ISLR: variants seen among roughly 807,000 people sequenced by gnomAD.
ISLR encodes immunoglobulin superfamily containing leucine rich repeat, also known as immunoglobulin superfamily containing leucine-rich repeat protein.
Under a neutral mutation model 11.0 loss-of-function variants are expected in ISLR, and 9 were observed. The observed-to-expected ratio is 0.82, with a 90% confidence interval of 0.49 to 1.43. The LOEUF (loss-of-function observed/expected upper bound fraction) is 1.43, where lower values mean the gene tolerates loss of function less well. Among genes scored for constraint, ISLR ranks in the 40% most tolerant of loss-of-function variants. The pLI is 0.00. For synonymous variants in ISLR, 262 were observed against 264.1 expected (o/e 0.99, Z 0.08); for missense variants, 510 against 576.4 (o/e 0.88, Z 1.18).
Position 74,176,361 on chromosome 15 carries a change from T to C in ISLR, c.*216T>C, listed in dbSNP as rs1425099779. ...TAGAATTTGATCCCCTAACTCACTG[T>C]CTGCGGTGCTCATTGCTGCTAACAG... On this transcript the variant is annotated 3_prime_UTR_variant, in exon 2 of 2. Transcript: ENST00000249842. 4.0e-6 allele frequency: 2 copies of C among 494,910 alleles called. No individual in the cohort carries two copies. Among genetic ancestry groups the C allele is most frequent in the Non-Finnish European group, 7.3e-6 (2 of 275,524 alleles). 30.7% of individuals were successfully genotyped at this position (494,910 alleles called of 1,614,324 possible).
chr15:74,175,335 C>T lies in ISLR; in HGVS notation c.477C>T (p.His159=), dbSNP rs1305936894. The T allele has an allele frequency of 6.2e-7, 1 of 1,611,116 alleles. No individual in the cohort carries two copies. Among genetic ancestry groups the T allele is most frequent in the African/African-American group, 1.3e-5 (1 of 75,058 alleles). The part of the protein sequence containing the change: ...RSLQLNHNRL[H]TLAEGTFTPL... ...TGCAACTCAACCACAACCGCTTGCACACATTGGCCGAGGGCACCTTCACCC... is the reference window on the plus strand; with the variant it reads ...TGCAACTCAACCACAACCGCTTGCATACATTGGCCGAGGGCACCTTCACCC... Residue 159 remains histidine (H), a synonymous_variant, in exon 2 of 2, where the codon CAC becomes CAT. Coordinates refer to ENST00000249842, the MANE Select transcript of ISLR (RefSeq NM_005545.4). This position sits in a 1 kb window ranked among gnomAD's most constrained non-coding sequence, Gnocchi z 4.7.
rs1187939350 is a variant in ISLR, at chr15:74,175,089, G to T, written c.231G>T (p.Gln77His). 1.9e-6 allele frequency: 3 copies of T among 1,611,872 alleles called. No individual in the cohort carries two copies. The highest frequency in any genetic ancestry group is 3.3e-5 in the Admixed American group (2 of 60,000). The change falls in exon 2 of 2, where the codon CAG (glutamine) becomes CAT (histidine). Residue 77 changes from glutamine (Q) to histidine (H), a missense_variant. Coordinates refer to ENST00000249842, the MANE Select transcript of ISLR (RefSeq NM_005545.4). This position sits in a 1 kb window ranked among gnomAD's most constrained non-coding sequence, Gnocchi z 4.7. ...EGAFREVPLL[Q>H]SLWLAHNEIR... ...CCTTCAGGGAGGTGCCCCTGCTGCA[G>T]TCGCTGTGGCTGGCACACAATGAGA...
chr15:74,175,382 T>G lies in ISLR; in HGVS notation c.524T>G (p.Leu175Arg). ...ACCCCGCTCACCGCGCTGTCCCACCTGCAGATCAACGAGAACCCCTTCGAC... is the reference window on the plus strand; with the variant it reads ...ACCCCGCTCACCGCGCTGTCCCACCGGCAGATCAACGAGAACCCCTTCGAC... ...TFTPLTALSH[L>R]QINENPFDCT... Residue 175 changes from leucine (L) to arginine (R), a missense_variant, in exon 2 of 2, where the codon CTG becomes CGG. By Grantham distance (102) the Leu-to-Arg change is moderately radical (BLOSUM62 -2). Coordinates refer to ENST00000249842, the MANE Select transcript of ISLR (RefSeq NM_005545.4). The surrounding 1 kb of genome is among the most constrained non-coding windows in gnomAD (Gnocchi z 4.7). 2 of 1,611,772 alleles carry G rather than the reference T, an allele frequency of 1.2e-6. No individual in the cohort carries two copies. The highest frequency in any genetic ancestry group is 3.3e-5 in the Admixed American group (2 of 60,008).
chr15:74,176,122 T>C lies in ISLR; in HGVS notation c.1264T>C (p.Phe422Leu), dbSNP rs762159204. 2 of 1,559,270 alleles carry C rather than the reference T, an allele frequency of 1.3e-6. No individual in the cohort carries two copies. Among genetic ancestry groups the C allele is most frequent in the South Asian group, 2.4e-5 (2 of 82,102 alleles). ...LLLLGQSLLLFFFLTSF is the reference protein window; with the variant it reads ...LLLLGQSLLLLFFLTSF ...CCTGCTGGGCCAAAGCCTCCTCCTC[T>C]TCTTCTTCCTCACCTCCTTCTAGCC... The change falls in exon 2 of 2, where the codon TTC becomes CTC. Residue 422 changes from phenylalanine (F) to leucine (L), a missense_variant. Physicochemically the swap from Phe to Leu is conservative, Grantham distance 22. Transcript: ENST00000249842.
chr15:74,176,030 G>A lies in ISLR; in HGVS notation c.1172G>A (p.Ser391Asn). ...PEDNVVIIYL[S>N]RAGNPEAAVA... Reference sequence around the variant, plus strand: ...GACAATGTGGTCATCATCTACCTCAGCCGTGCTGGGAACCCTGAGGCTGCA... The same window carrying A: ...GACAATGTGGTCATCATCTACCTCAACCGTGCTGGGAACCCTGAGGCTGCA... The change falls in exon 2 of 2, where the codon AGC (serine) becomes AAC (asparagine). Residue 391 changes from serine (S) to asparagine (N), a missense_variant. Ser to Asn is a conservative substitution (Grantham distance 46). Transcript: ENST00000249842. 1 of 1,613,276 alleles carries A rather than the reference G, an allele frequency of 6.2e-7. No homozygotes were observed. The highest frequency in any genetic ancestry group is 8.5e-7 in the Non-Finnish European group (1 of 1,179,524).
In ISLR at chr15:74,175,375, T is replaced by C; in HGVS notation, c.517T>C (p.Ser173Pro). The C allele has an allele frequency of 6.2e-7, 1 of 1,611,558 alleles. No homozygotes were observed. Among genetic ancestry groups the C allele is most frequent in the Non-Finnish European group, 8.5e-7 (1 of 1,179,866 alleles). The part of the protein sequence containing the change: ...EGTFTPLTAL[S>P]HLQINENPFD... Reference sequence around the variant, plus strand: ...CACCTTCACCCCGCTCACCGCGCTGTCCCACCTGCAGATCAACGAGAACCC... The same window carrying C: ...CACCTTCACCCCGCTCACCGCGCTGCCCCACCTGCAGATCAACGAGAACCC... The change falls in exon 2 of 2, where the codon TCC becomes CCC. Residue 173 changes from serine (S) to proline (P), a missense_variant. Physicochemically the swap from Ser to Pro is moderately conservative, Grantham distance 74. Transcript: ENST00000249842. The surrounding 1 kb of genome is among the most constrained non-coding windows in gnomAD (Gnocchi z 4.7).
chr15:74,174,033 G>A lies in ISLR; in HGVS notation c.-9+14G>A, dbSNP rs1255503036. The A allele has an allele frequency of 6.5e-6, 1 of 152,952 alleles. No homozygotes were observed. The highest frequency in any genetic ancestry group is 1.5e-5 in the Non-Finnish European group (1 of 68,588). 9.5% of individuals were successfully genotyped at this position (152,952 alleles called of 1,614,324 possible). On this transcript the variant is annotated intron_variant, in intron 1 of 1. Transcript: ENST00000249842. ...AGTAGCTTGAAGGTAAGCCAGTGGG[G>A]AGGAGGGCTCCAGGGCCAGCGGCGG...
At position 74,175,972 on chromosome 15, in the gene ISLR, G is replaced by A; in HGVS notation, c.1114G>A (p.Val372Ile). The change falls in exon 2 of 2, where the codon GTT becomes ATT. Residue 372 changes from valine to isoleucine, a missense_variant. Coordinates refer to ENST00000249842, the MANE Select transcript of ISLR (RefSeq NM_005545.4). The surrounding 1 kb of genome is among the most constrained non-coding windows in gnomAD (Gnocchi z 4.7). ...GGTTGAGGGAAAGGGCTGCTATACG[G>A]TTGACAACGAGGTGCAGCCATCAGG... ...KAVEGKGCYT[V>I]DNEVQPSGPE... 3 of 1,611,902 alleles carry A rather than the reference G, an allele frequency of 1.9e-6. No individual in the cohort carries two copies. The highest frequency in any genetic ancestry group is 2.5e-6 in the Non-Finnish European group (3 of 1,178,502).
Position 74,175,886 on chromosome 15 carries a change from C to A in ISLR, c.1028C>A (p.Ala343Glu), listed in dbSNP as rs1189743401. The A allele has an allele frequency of 4.3e-6, 7 of 1,613,872 alleles. No individual in the cohort carries two copies. The highest frequency in any genetic ancestry group is 5.9e-6 in the Non-Finnish European group (7 of 1,179,858). ...AGTGCTGAGAGCTCAGTGGACGTGG[C>A]ACTGGCCACGCCCGGTGAGGGTGGT... is the stretch of plus-strand genomic sequence containing the variant. ...LGSAESSVDV[A>E]LATPGEGGED... The change falls in exon 2 of 2, where the codon GCA (alanine) becomes GAA (glutamate). Residue 343 changes from alanine (A) to glutamate (E), a missense_variant. By Grantham distance (107) the Ala-to-Glu change is moderately radical. Transcript: ENST00000249842. The surrounding 1 kb of genome is among the most constrained non-coding windows in gnomAD (Gnocchi z 4.7).
chr15:74,176,156 G>A lies in ISLR; in HGVS notation c.*11G>A. 2.0e-6 allele frequency: 3 copies of A among 1,532,996 alleles called. No homozygotes were observed. The highest frequency in any genetic ancestry group is 2.6e-5 in the South Asian group (2 of 78,068). The allele number at this position is 1,532,996 out of a possible 1,614,324, so 95.0% of individuals were successfully genotyped here. On this transcript the variant is annotated 3_prime_UTR_variant, in exon 2 of 2. Transcript: ENST00000249842. Reference sequence around the variant, plus strand: ...CTCACCTCCTTCTAGCCCCACCCAGGGCTTCCCTAACTCCTCCCCTTGCCC... The same window carrying A: ...CTCACCTCCTTCTAGCCCCACCCAGAGCTTCCCTAACTCCTCCCCTTGCCC...
In ISLR at chr15:74,175,805, A is replaced by G; in HGVS notation, c.947A>G (p.Asp316Gly). 1.2e-6 allele frequency: 2 copies of G among 1,614,024 alleles called. No individual in the cohort carries two copies. The highest frequency in any genetic ancestry group is 2.2e-5 in the East Asian group (1 of 44,870). ...AFANGSLLIP[D>G]FGKLEEGTYS... Reference sequence around the variant, plus strand: ...GCCAATGGCAGCCTGCTTATCCCCGACTTTGGCAAGCTGGAGGAAGGCACC... The same window carrying G: ...GCCAATGGCAGCCTGCTTATCCCCGGCTTTGGCAAGCTGGAGGAAGGCACC... Residue 316 changes from aspartate to glycine, a missense_variant, in exon 2 of 2, where the codon GAC becomes GGC. Transcript: ENST00000249842. This position sits in a 1 kb window ranked among gnomAD's most constrained non-coding sequence, Gnocchi z 4.7.
At position 74,175,423 on chromosome 15, in the gene ISLR, G is replaced by A. The variant is rs370000092; in HGVS notation, c.565G>A (p.Val189Met). ...CCCCTTCGACTGCACCTGCGGCATCGTGTGGCTCAAGACATGGGCCCTGAC... is the reference window on the plus strand; with the variant it reads ...CCCCTTCGACTGCACCTGCGGCATCATGTGGCTCAAGACATGGGCCCTGAC... The part of the protein sequence containing the change: ...ENPFDCTCGI[V>M]WLKTWALTTA... The change falls in exon 2 of 2, where the codon GTG becomes ATG. Residue 189 changes from valine to methionine, a missense_variant. Val to Met is a conservative substitution (Grantham distance 21). Coordinates refer to ENST00000249842, the MANE Select transcript of ISLR (RefSeq NM_005545.4). This position sits in a 1 kb window ranked among gnomAD's most constrained non-coding sequence, Gnocchi z 4.7. 1.6e-4 allele frequency: 254 copies of A among 1,611,870 alleles called. No homozygotes were observed. The highest frequency in any genetic ancestry group is 2.1e-4 in the Non-Finnish European group (246 of 1,179,980).
Position 74,175,667 on chromosome 15 carries a change from A to C in ISLR, c.809A>C (p.His270Pro). 6.2e-7 allele frequency: 1 copy of C among 1,614,134 alleles called. No homozygotes were observed. Among genetic ancestry groups the C allele is most frequent in the Non-Finnish European group, 8.5e-7 (1 of 1,180,022 alleles). The stretch of plus-strand genomic sequence containing the variant: ...CAGCCGGCCCCTCAGCTTCACTGGC[A>C]CATCCAGATACCCAGTGGCATTGTG... ...DGQPAPQLHW[H>P]IQIPSGIVEI... Residue 270 changes from histidine to proline, a missense_variant, in exon 2 of 2, where the codon CAC (histidine) becomes CCC (proline). Transcript: ENST00000249842. This position sits in a 1 kb window ranked among gnomAD's most constrained non-coding sequence, Gnocchi z 4.7.
rs758870193 is a variant in ISLR, at chr15:74,174,990, G to A, written c.132G>A (p.Val44=). 4 of 1,612,872 alleles carry A rather than the reference G, an allele frequency of 2.5e-6. No homozygotes were observed. Among genetic ancestry groups the A allele is most frequent in the Non-Finnish European group, 3.4e-6 (4 of 1,179,726 alleles). The change falls in exon 2 of 2, where the codon GTG becomes GTA. Residue 44 remains valine, a synonymous_variant. Transcript: ENST00000249842. ...GTGCCTACCGCGACCTAGAATCCGT[G>A]CCGCCTGGCTTCCCGGCCAATGTGA... The part of the protein sequence containing the change: ...ADCAYRDLES[V]PPGFPANVTT...
Position 74,176,657 on chromosome 15 carries a change from G to A in ISLR, c.*512G>A, listed in dbSNP as rs943464293. 1 of 169,890 alleles carries A rather than the reference G, an allele frequency of 5.9e-6. No homozygotes were observed. Among genetic ancestry groups the A allele is most frequent in the Non-Finnish European group, 1.4e-5 (1 of 70,288 alleles). 10.5% of individuals were successfully genotyped at this position (169,890 alleles called of 1,614,324 possible). On this transcript the variant is annotated 3_prime_UTR_variant, in exon 2 of 2. Transcript: ENST00000249842. Reference sequence around the variant, plus strand: ...CTCCTGCTCCTTGCTGTTTTCTGATGATTTGGGGGCTTGGGAGTCCCTTTG... The same window carrying A: ...CTCCTGCTCCTTGCTGTTTTCTGATAATTTGGGGGCTTGGGAGTCCCTTTG...
Position 74,174,974 on chromosome 15 carries a change from G to A in ISLR, c.116G>A (p.Arg39His), listed in dbSNP as rs760834510. 13 of 1,613,144 alleles carry A rather than the reference G, an allele frequency of 8.1e-6. No individual in the cohort carries two copies. The African/African-American group carries it at 9.4e-5, about 12-fold the overall frequency. ...TTCCAGATCGCCGACTGTGCCTACC[G>A]CGACCTAGAATCCGTGCCGCCTGGC... ...YGFQIADCAY[R>H]DLESVPPGFP... The change falls in exon 2 of 2, where the codon CGC becomes CAC. Residue 39 changes from arginine (R) to histidine (H), a missense_variant. Transcript: ENST00000249842.
chr15:74,175,269 C>T lies in ISLR; in HGVS notation c.411C>T (p.Ile137=). The change falls in exon 2 of 2, where the codon ATC becomes ATT. Residue 137 remains isoleucine, a synonymous_variant. Coordinates refer to ENST00000249842, the MANE Select transcript of ISLR (RefSeq NM_005545.4). This position sits in a 1 kb window ranked among gnomAD's most constrained non-coding sequence, Gnocchi z 4.7. ...TGGACAGCAACGAGCTGACCTTCAT[C>T]CCCCGCGACGCCTTCCGCAGCCTCC... ...LKMDSNELTF[I]PRDAFRSLRA... is the part of the protein sequence containing the mutation. The T allele has an allele frequency of 1.2e-6, 2 of 1,612,802 alleles. No individual in the cohort carries two copies. The highest frequency in any genetic ancestry group is 1.1e-5 in the South Asian group (1 of 91,088).
Position 74,175,092 on chromosome 15 carries a change from G to A in ISLR, c.234G>A (p.Ser78=), listed in dbSNP as rs199513028. The A allele has an allele frequency of 1.0e-4, 168 of 1,611,412 alleles. 1 individual carries two copies. The East Asian group carries it at 2.4e-3, about 23-fold the overall frequency. The change falls in exon 2 of 2, where the codon TCG becomes TCA. Residue 78 remains serine, a synonymous_variant. Coordinates refer to ENST00000249842, the MANE Select transcript of ISLR (RefSeq NM_005545.4). The surrounding 1 kb of genome is among the most constrained non-coding windows in gnomAD (Gnocchi z 4.7). ...GAFREVPLLQ[S]LWLAHNEIRT... is the part of the protein sequence containing the mutation. Reference sequence around the variant, plus strand: ...TCAGGGAGGTGCCCCTGCTGCAGTCGCTGTGGCTGGCACACAATGAGATCC... The same window carrying A: ...TCAGGGAGGTGCCCCTGCTGCAGTCACTGTGGCTGGCACACAATGAGATCC...
chr15:74,175,122 G>T lies in ISLR; in HGVS notation c.264G>T (p.Thr88=). The T allele has an allele frequency of 6.2e-7, 1 of 1,610,634 alleles. No homozygotes were observed. The highest frequency in any genetic ancestry group is 2.2e-5 in the East Asian group (1 of 44,874). Residue 88 remains threonine, a synonymous_variant, in exon 2 of 2, where the codon ACG becomes ACT. Transcript: ENST00000249842. This position sits in a 1 kb window ranked among gnomAD's most constrained non-coding sequence, Gnocchi z 4.7. ...GGCTGGCACACAATGAGATCCGCAC[G>T]GTGGCCGCCGGAGCCCTGGCCTCTC... The part of the protein sequence containing the change: ...SLWLAHNEIR[T]VAAGALASLS...
Sources: gnomAD v4.1 joint callset for allele counts on GRCh38, gnomAD v4.1.1 for gene constraint, Gnocchi (gnomAD v3.1) non-coding constraint, MANE v1.5 for transcripts, NCBI Gene and HGNC (gene_info 2026-07-23, HGNC 2026-07-21) for gene names.